Variants in FAM98B observed in about 807,000 individuals in gnomAD.
FAM98B encodes the protein tRNA-splicing ligase complex subunit FAM98B.
A neutral mutation model predicts 43.9 loss-of-function variants in FAM98B; 32 were observed. That is an observed-to-expected ratio of 0.73 (90% CI 0.55 to 0.98). The LOEUF is 0.98. Ranked by LOEUF, FAM98B falls within the 50% of genes least tolerant of loss-of-function variation. FAM98B has a pLI of 0.00. For synonymous variants in FAM98B, 190 were observed against 174.0 expected (o/e 1.09, Z -0.72); for missense variants, 514 against 522.9 (o/e 0.98, Z 0.17).
chr15:38,454,199 A>T lies in FAM98B; in HGVS notation c.38A>T (p.Glu13Val). 1 of 1,604,362 alleles carries T rather than the reference A, an allele frequency of 6.2e-7. No individual in the cohort carries two copies. The highest frequency in any genetic ancestry group is 8.5e-7 in the Non-Finnish European group (1 of 1,176,710). ...GPEPGPQPTM[E>V]GDVLDTLEAL... ...GAGCCGGGTCCCCAACCGACGATGG[A>T]GGGAGACGTGCTGGACACACTGGAG... The change falls in exon 1 of 8, where the codon GAG becomes GTG. Residue 13 changes from glutamate to valine, a missense_variant. Coordinates refer to ENST00000397609, the MANE Select transcript of FAM98B (RefSeq NM_173611.4).
chr15:38,455,504 T>C, intron 1 of FAM98B, among the ~76,000 whole-genome samples: 1 of 152,236 alleles, frequency 6.6e-6, no homozygotes, highest in East Asian at 1.9e-4. Context: ...TTACGGAGTC[T>C]TGCACTTAGT....
chr15:38,481,096 T>C (rs1890276405), intron 6 of FAM98B, among the ~76,000 whole-genome samples, 196 bp from the exon 7 acceptor site: 1 of 152,234 alleles, frequency 6.6e-6, no homozygotes, highest in Non-Finnish European at 1.5e-5. Context: ...GGTAGTTACA[T>C]ATTTTTAACA....
Position 38,484,383 on chromosome 15 carries a change from T to TGGAGGTGGTGGTAGA in FAM98B, c.1038_1052dup (p.Arg347_Gly351dup). On this transcript the variant is annotated inframe_insertion, in exon 8 of 8. Transcript: ENST00000397609. ...GAAGGGGTGGTTGGGGTGGTGGTGG[T>TGGAGGTGGTGGTAGA]GGAGGTGGTGGTAGAGGAGGTGGTG... 1 of 1,386,260 alleles carries TGGAGGTGGTGGTAGA rather than the reference T, an allele frequency of 7.2e-7. No individual in the cohort carries two copies. Among genetic ancestry groups the TGGAGGTGGTGGTAGA allele is most frequent in the Non-Finnish European group, 9.4e-7 (1 of 1,061,252 alleles). 85.9% of individuals were successfully genotyped at this position (1,386,260 alleles called of 1,614,324 possible).
chr15:38,469,571 C>T (rs1230240262), intron 3 of FAM98B, among the ~76,000 whole-genome samples: 1 of 152,148 alleles, frequency 6.6e-6, no homozygotes, highest in Non-Finnish European at 1.5e-5. Flanking sequence ...GACTTGGCAT[C>T]CCCATTGTTC....
Position 38,484,742 on chromosome 15 carries a change from T to C in FAM98B, c.*83T>C. 2.0e-6 allele frequency: 3 copies of C among 1,470,024 alleles called. No homozygotes were observed. Among genetic ancestry groups the C allele is most frequent in the Non-Finnish European group, 2.7e-6 (3 of 1,121,378 alleles). 91.1% of individuals were successfully genotyped at this position (1,470,024 alleles called of 1,614,324 possible). The stretch of plus-strand genomic sequence containing the variant: ...TTCCAAATAACATACTTGAATATCA[T>C]CTTTGAAGTAAACACCATGTTAGAC... On this transcript the variant is annotated 3_prime_UTR_variant, in exon 8 of 8. Coordinates refer to ENST00000397609, the MANE Select transcript of FAM98B (RefSeq NM_173611.4).
intron 6 of FAM98B, among the ~76,000 whole-genome samples, chr15:38,476,339 G>A (rs936516562): frequency 4.0e-5 from 6 of 151,600 alleles, no homozygotes; most frequent in Admixed American, 2.6e-4. Context: ...CACAATATGT[G>A]TTGGTCTGAA....
At chr15:38,478,314 T>A (rs1434308935) in intron 6 of FAM98B, among the ~76,000 whole-genome samples, 1 of 152,218 alleles carries the variant, frequency 6.6e-6, no homozygotes, top group Non-Finnish European at 1.5e-5. Flanking sequence ...TTTTGTTTTT[T>A]TCTTATTTGG....
At position 38,470,292 on chromosome 15, in the gene FAM98B, T is replaced by C; in HGVS notation, c.418T>C (p.Leu140=). 6.3e-7 allele frequency: 1 copy of C among 1,595,070 alleles called. No individual in the cohort carries two copies. Among genetic ancestry groups the C allele is most frequent in the Non-Finnish European group, 8.5e-7 (1 of 1,170,342 alleles). The change falls in exon 4 of 8, where the codon TTA becomes CTA. Residue 140 remains leucine (L), a synonymous_variant. Transcript: ENST00000397609. The part of the protein sequence containing the change: ...LQNKKHKNSQ[L]DKNSEVYQEV... Reference sequence around the variant, plus strand: ...GAACAAGAAACATAAAAATTCTCAATTAGATAAAAATAGTGAAGTTTATCA... The same window carrying C: ...GAACAAGAAACATAAAAATTCTCAACTAGATAAAAATAGTGAAGTTTATCA...
intron 4 of FAM98B, among the ~76,000 whole-genome samples, chr15:38,472,108 T>C (rs1416838277): frequency 6.6e-6 from 1 of 152,172 alleles, no homozygotes; most frequent in African/African-American, 2.4e-5. Context: ...CTCCAGAGCC[T>C]GTGCCCTTAA....
In FAM98B at chr15:38,481,389, A is replaced by G; in HGVS notation, c.827A>G (p.Glu276Gly). Reference protein sequence around the residue: ...ITMAHLLAAREDLSKIIRTSS... With the variant: ...ITMAHLLAARGDLSKIIRTSS... ...ATGGCACATCTACTTGCTGCTCGTG[A>G]AGATCTATCCAAGATCATTAGGACA... The change falls in exon 7 of 8, where the codon GAA becomes GGA. Residue 276 changes from glutamate to glycine, a missense_variant. By Grantham distance (98) the Glu-to-Gly change is moderately conservative. This residue lies in a region of FAM98B where 469 missense variants were observed against 451.8 expected (regional missense o/e 1.04). Coordinates refer to ENST00000397609, the MANE Select transcript of FAM98B (RefSeq NM_173611.4). 6.2e-7 allele frequency: 1 copy of G among 1,614,198 alleles called. No homozygotes were observed. The highest frequency in any genetic ancestry group is 8.5e-7 in the Non-Finnish European group (1 of 1,180,032).
intron 5 of FAM98B, among the ~76,000 whole-genome samples, 180 bp downstream of exon 5, chr15:38,473,765 A>G (rs572123590): frequency 1.3e-5 from 2 of 152,328 alleles, no homozygotes; most frequent in East Asian, 1.9e-4. Flanking sequence ...ATTAATTTTT[A>G]AAAATACCTG....
chr15:38,486,280 AG>A lies in FAM98B; in HGVS notation c.*1623del, dbSNP rs1890370775. On this transcript the variant is annotated 3_prime_UTR_variant, in exon 8 of 8. Coordinates refer to ENST00000397609, the MANE Select transcript of FAM98B (RefSeq NM_173611.4). ...ATTTCATTTGTGATAGCTGAAAAAA[AG>A]GCTTTCCATAATTAAGAAAATACCT... is the stretch of plus-strand genomic sequence containing the variant. The A allele has an allele frequency of 6.6e-6, 1 of 152,070 alleles. No individual in the cohort carries two copies. Among genetic ancestry groups the A allele is most frequent in the Admixed American group, 6.5e-5 (1 of 15,282 alleles). The allele number at this position is 152,070 out of a possible 1,614,324, so 9.4% of individuals were successfully genotyped here.
At chr15:38,477,801 G>T (rs1214554841) in intron 6 of FAM98B, among the ~76,000 whole-genome samples, 2 of 152,208 alleles carry the variant, frequency 1.3e-5, no homozygotes, top group Non-Finnish European at 2.9e-5. Flanking sequence ...AGGGATGTCT[G>T]TGTATTTCAT....
Position 38,459,145 on chromosome 15 carries a change from CT to C in FAM98B, c.72-4885del, listed in dbSNP as rs1428207075. The C allele has an allele frequency of 1.7e-5, 6 of 346,910 alleles. No homozygotes were observed. In the East Asian group the frequency reaches 4.2e-4, roughly 24 times the overall value. 21.5% of individuals were successfully genotyped at this position (346,910 alleles called of 1,614,324 possible). On this transcript the variant is annotated intron_variant, in intron 1 of 7. Transcript: ENST00000397609. Reference sequence around the variant, plus strand: ...GAGCTCTTTTGAGGACAGAAACCTGCTTGAGTGGTCTCCTCAATCTCTGTAG... The same window carrying C: ...GAGCTCTTTTGAGGACAGAAACCTGCTGAGTGGTCTCCTCAATCTCTGTAG...
At chr15:38,473,797 C>G (rs1034089013) in intron 5 of FAM98B, among the ~76,000 whole-genome samples, 6 of 152,092 alleles carry the variant, frequency 3.9e-5, no homozygotes, top group Non-Finnish European at 8.8e-5. Context: ...TGATAGTGCT[C>G]AATGTGCTAG....
rs1226616094 is a variant in FAM98B, at chr15:38,484,566, G to A, written c.1209G>A (p.Gly403=). ...YGGRGGYGGR[G]GYGGRGYGDP... is the part of the protein sequence containing the mutation. The stretch of plus-strand genomic sequence containing the variant: ...GAAGAGGGGGTTATGGTGGAAGAGG[G>A]GGCTATGGTGGAAGAGGCTATGGAG... The change falls in exon 8 of 8, where the codon GGG becomes GGA. Residue 403 remains glycine (G), a synonymous_variant. Coordinates refer to ENST00000397609, the MANE Select transcript of FAM98B (RefSeq NM_173611.4). The A allele has an allele frequency of 2.1e-5, 32 of 1,490,412 alleles. No individual in the cohort carries two copies. Among genetic ancestry groups the A allele is most frequent in the Non-Finnish European group, 2.8e-5 (32 of 1,128,062 alleles). 92.3% of individuals were successfully genotyped at this position (1,490,412 alleles called of 1,614,324 possible).
At chr15:38,476,986 G>A (rs1473418909) in intron 6 of FAM98B, among the ~76,000 whole-genome samples, 2 of 151,930 alleles carry the variant, frequency 1.3e-5, no homozygotes, top group African/African-American at 4.8e-5. Flanking sequence ...GCAAGACTCT[G>A]TCTCTAATGA....
intron 1 of FAM98B, among the ~76,000 whole-genome samples, chr15:38,463,491 A>AAAAATAAAATAAAAT (rs10682998): frequency 0.023 from 3,283 of 140,800 alleles, 49 homozygotes; most frequent in Middle Eastern, 0.037. Flanking sequence ...ACCCTGCCTC[A>AAAAATAAAATAAAAT]AAAATAAAAT....
chr15:38,474,557 A>G (rs946205300), intron 6 of FAM98B, among the ~76,000 whole-genome samples: 1 of 152,248 alleles, frequency 6.6e-6, no homozygotes, highest in Non-Finnish European at 1.5e-5. Context: ...GCATAAAAGA[A>G]GGGGCATCAT....
Sources: allele counts gnomAD v4.1 joint callset (sites outside exome capture counted in the v4.1 genomes callset), GRCh38; gene constraint gnomAD v4.1.1; regional missense constraint gnomAD v4.1.1; transcripts MANE v1.5; gene names NCBI Gene and HGNC (gene_info 2026-07-23, HGNC 2026-07-21).